The following CELF2 variants were observed in gnomAD, a reference collection of about 807,000 sequenced individuals.
CELF2 encodes CUGBP Elav-like family member 2.
CELF2 carries 8 observed loss-of-function variants against 62.6 expected under a neutral mutation model. That is an observed-to-expected ratio of 0.13 (90% CI 0.07 to 0.23). The LOEUF (loss-of-function observed/expected upper bound fraction) is 0.23, where lower values mean the gene tolerates loss of function less well. Among genes scored for constraint, CELF2 ranks in the 10% least tolerant of loss-of-function variants. The pLI is 1.00. For missense variants in CELF2, 333 were observed against 671.0 expected (o/e 0.50, Z 5.56); for synonymous variants, 258 against 250.0 (o/e 1.03, Z -0.30).
upstream of CELF2, among the ~76,000 whole-genome samples, chr10:10,795,402 T>C (rs1450499162): frequency 6.6e-6 from 1 of 152,168 alleles, no homozygotes; most frequent in Non-Finnish European, 1.5e-5. Context: ...TAGAGTGACA[T>C]GACGGAAAAC....
the CELF2 span, among the ~76,000 whole-genome samples, chr10:10,560,550 G>T: frequency 5.9e-5 from 9 of 152,134 alleles, no homozygotes; most frequent in Non-Finnish European, 1.3e-4. Context: ...CAATCAGGGA[G>T]CACTTTTACA....
chr10:11,301,991 G>A (rs143984349), intron 9 of CELF2, among the ~76,000 whole-genome samples: 18 of 152,264 alleles, frequency 1.2e-4, no homozygotes, highest in African/African-American at 3.6e-4. Flanking sequence ...CCCCTCCTCC[G>A]CTCAGCAGAT....
chr10:11,131,422 A>G (rs750299777), intron 1 of CELF2, among the ~76,000 whole-genome samples: 7 of 152,202 alleles, frequency 4.6e-5, no homozygotes, highest in African/African-American at 1.7e-4. Flanking sequence ...TCCTAGCTGA[A>G]TAGAGTCATG....
chr10:11,185,378 C>T (rs638920), intron 2 of CELF2, among the ~76,000 whole-genome samples: 27,506 of 152,004 alleles, frequency 0.18, 3,725 homozygotes, highest in East Asian at 0.68. Flanking sequence ...CCTTGAATTG[C>T]TGGGATAAGT....
the CELF2 span, among the ~76,000 whole-genome samples, chr10:10,780,798 C>T: frequency 6.6e-6 from 1 of 151,942 alleles, no homozygotes. Context: ...ACACTTAAGC[C>T]AAGGGGCTTA....
intron 2 of CELF2, among the ~76,000 whole-genome samples, chr10:10,979,793 A>G (rs2051846121): frequency 6.6e-6 from 1 of 152,206 alleles, no homozygotes; most frequent in Admixed American, 6.5e-5. Context: ...CAGTCAGAAC[A>G]TAGCTGGTAA....
chr10:11,022,989 T>A (rs2058581665), intron 1 of CELF2, among the ~76,000 whole-genome samples: 1 of 152,218 alleles, frequency 6.6e-6, no homozygotes, highest in Non-Finnish European at 1.5e-5. Flanking sequence ...AATTAATAAG[T>A]CATCAATGTT....
chr10:11,313,268 A>G (rs143973498), intron 9 of CELF2, among the ~76,000 whole-genome samples: 72 of 152,378 alleles, frequency 4.7e-4, no homozygotes, highest in African/African-American at 1.5e-3. Context: ...CCTCTTGCAT[A>G]GAAATATACC....
At chr10:11,174,240 C>T (rs745577039) in intron 2 of CELF2, among the ~76,000 whole-genome samples, 7 of 151,846 alleles carry the variant, frequency 4.6e-5, no homozygotes, top group Admixed American at 1.3e-4. Context: ...TTGTCAAAGC[C>T]TGAATCACAT....
intron 1 of CELF2, among the ~76,000 whole-genome samples, chr10:10,916,562 A>G (rs1161748090): frequency 6.6e-6 from 1 of 152,168 alleles, no homozygotes; most frequent in Non-Finnish European, 1.5e-5. Context: ...AAAGTTCTGC[A>G]TTGTCTTTTG....
chr10:10,787,222 G>C, the CELF2 span, among the ~76,000 whole-genome samples: 1 of 148,462 alleles, frequency 6.7e-6, no homozygotes, highest in Non-Finnish European at 1.5e-5. Flanking sequence ...CTTAAGGTTT[G>C]ATGTCACACA....
At chr10:11,194,240 A>G (rs1247115152) in intron 2 of CELF2, among the ~76,000 whole-genome samples, 1 of 151,394 alleles carries the variant, frequency 6.6e-6, no homozygotes, top group Non-Finnish European at 1.5e-5. Flanking sequence ...TAATTTTTGT[A>G]TTTTTAGTAG....
At chr10:11,275,292 T>A (rs2085605727) in intron 8 of CELF2, among the ~76,000 whole-genome samples, 172 bp downstream of exon 8, 1 of 152,212 alleles carries the variant, frequency 6.6e-6, no homozygotes, top group Admixed American at 6.5e-5. Flanking sequence ...GTGTCTCTGT[T>A]ATTTCTTAGG....
At chr10:10,613,095 T>G in the CELF2 span, among the ~76,000 whole-genome samples, 2 of 151,998 alleles carry the variant, frequency 1.3e-5, no homozygotes, top group Admixed American at 6.6e-5. Context: ...AATCAAACTT[T>G]AATGGCTTCG....
chr10:10,985,362 T>A (rs2052623089), intron 2 of CELF2, among the ~76,000 whole-genome samples: 1 of 152,004 alleles, frequency 6.6e-6, no homozygotes, highest in Non-Finnish European at 1.5e-5. Flanking sequence ...TTTATATAGA[T>A]CCTTAAACTA....
intron 1 of CELF2, among the ~76,000 whole-genome samples, chr10:10,835,160 A>G (rs1245804208): frequency 6.6e-6 from 1 of 151,996 alleles, no homozygotes; most frequent in Non-Finnish European, 1.5e-5. Flanking sequence ...TTAATGTATT[A>G]CTATTTTTAG....
In CELF2 at chr10:11,018,039, G is replaced by A; in HGVS notation, c.-51G>A. 1 of 1,217,598 alleles carries A rather than the reference G, an allele frequency of 8.2e-7. No homozygotes were observed. The highest frequency in any genetic ancestry group is 2.4e-5 in the South Asian group (1 of 41,664). The allele number at this position is 1,217,598 out of a possible 1,614,324, so 75.4% of individuals were successfully genotyped here. On this transcript the variant is annotated 5_prime_UTR_variant, in exon 1 of 13. Transcript: ENST00000633077. ...CGTCTCGCGCCGCCCGCGGCCGCTC[G>A]GACGCGCGCAGAGCCGCCCCCCGCC...
At chr10:10,952,998 A>T (rs1714150326) in intron 2 of CELF2, among the ~76,000 whole-genome samples, 1 of 152,228 alleles carries the variant, frequency 6.6e-6, no homozygotes, top group Non-Finnish European at 1.5e-5. Flanking sequence ...AGATGTCTCC[A>T]TAATGGAAAC....
intron 1 of CELF2, among the ~76,000 whole-genome samples, chr10:11,113,910 C>T (rs1176612306): frequency 3.3e-5 from 5 of 152,140 alleles, no homozygotes; most frequent in Admixed American, 3.3e-4. Flanking sequence ...CTTCAGGGAG[C>T]CTCTGCTGTC....
Sources: gnomAD v4.1 joint callset for allele counts (sites outside exome capture counted in the v4.1 genomes callset) on GRCh38, gnomAD v4.1.1 for gene constraint, MANE v1.5 for transcripts, NCBI Gene and HGNC (gene_info 2026-07-23, HGNC 2026-07-21) for gene names.